LYRM4: variants seen among roughly 807,000 people sequenced by gnomAD.
LYRM4 encodes the protein LYR motif containing 4.
A neutral mutation model predicts 11.7 loss-of-function variants in LYRM4; 9 were observed. The ratio of observed to expected loss-of-function variants is 0.77; its 90% CI spans 0.46 to 1.34. The LOEUF (loss-of-function observed/expected upper bound fraction) is 1.34. Among genes scored for constraint, LYRM4 ranks in the 40% most tolerant of loss-of-function variants. The pLI, the probability that LYRM4 is intolerant of heterozygous loss-of-function variation, is 0.00. For missense variants in LYRM4, 133 were observed against 112.5 expected (o/e 1.18, Z -0.82); for synonymous variants, 42 against 40.4 (o/e 1.04, Z -0.15).
At chr6:5,209,557 T>C (rs1163281848) in intron 2 of LYRM4, among the ~76,000 whole-genome samples, 3 of 152,230 alleles carry the variant, frequency 2.0e-5, no homozygotes, top group Admixed American at 6.5e-5. Flanking sequence ...TTCTATTAAA[T>C]GAGCGAACAG....
chr6:5,223,418 A>T (rs1045018667), intron 1 of LYRM4, among the ~76,000 whole-genome samples: 3 of 152,218 alleles, frequency 2.0e-5, no homozygotes, highest in African/African-American at 7.2e-5. Flanking sequence ...CATGTCTCGT[A>T]AGTGGCAGAG....
chr6:5,205,901 T>C (rs866209844), intron 2 of LYRM4, among the ~76,000 whole-genome samples: 2 of 152,212 alleles, frequency 1.3e-5, no homozygotes, highest in African/African-American at 4.8e-5. Context: ...CCATGATCCA[T>C]GCAACACTCC....
chr6:5,216,251 T>C (rs1195804933), intron 2 of LYRM4, among the ~76,000 whole-genome samples: 1 of 152,218 alleles, frequency 6.6e-6, no homozygotes, highest in Non-Finnish European at 1.5e-5. Flanking sequence ...TCCTGAATTA[T>C]GATTAAAAAT....
intron 2 of LYRM4, among the ~76,000 whole-genome samples, chr6:5,157,149 A>ATATT (rs1236512298): frequency 6.6e-6 from 1 of 152,224 alleles, no homozygotes; most frequent in Non-Finnish European, 1.5e-5. Flanking sequence ...AATCATATGA[A>ATATT]TATTTGCTCC....
At chr6:5,040,281 C>A in the LYRM4 span, among the ~76,000 whole-genome samples, 3 of 151,540 alleles carry the variant, frequency 2.0e-5, no homozygotes, top group Non-Finnish European at 2.9e-5. Context: ...CAGTGCACCC[C>A]AGCCTGGGTA....
chr6:5,171,044 TTAG>T lies in LYRM4; in HGVS notation c.207+45571_207+45573del, dbSNP rs1427992719. Reference sequence around the variant, plus strand: ...AATAATAAAAGTAAGTTATAAATGATTAGTAGGATTCCATTTAAGGAAAACTAT... The same window carrying T: ...AATAATAAAAGTAAGTTATAAATGATTAGGATTCCATTTAAGGAAAACTAT... On this transcript the variant is annotated intron_variant, in intron 2 of 2. Coordinates refer to ENST00000330636, the MANE Select transcript of LYRM4 (RefSeq NM_020408.6). 3.9e-5 allele frequency among the ~76,000 whole-genome samples: 6 copies of T among 152,230 alleles called. No individual in the cohort carries two copies. In the East Asian group the frequency reaches 9.6e-4, roughly 24 times the overall value.
At chr6:5,245,152 ATATATATAT>A (rs1561899190) in intron 1 of LYRM4, among the ~76,000 whole-genome samples, 12 of 104,148 alleles carry the variant, frequency 1.2e-4, no homozygotes, top group African/African-American at 3.6e-4. Flanking sequence ...ATATATATAT[ATATATATAT>A]ATAAAATAGG....
chr6:5,094,793 T>A, the LYRM4 span, among the ~76,000 whole-genome samples: 1 of 152,318 alleles, frequency 6.6e-6, no homozygotes, highest in Non-Finnish European at 1.5e-5. Context: ...AGCCCTGATT[T>A]GAATACAGAA....
chr6:5,098,585 CA>C, the LYRM4 span, among the ~76,000 whole-genome samples: 1 of 152,226 alleles, frequency 6.6e-6, no homozygotes, highest in African/African-American at 2.4e-5. Context: ...CACCAGGAGA[CA>C]CGCACAAGAA....
the LYRM4 span, among the ~76,000 whole-genome samples, chr6:5,075,828 T>C: frequency 6.2e-4 from 95 of 152,280 alleles, no homozygotes; most frequent in Non-Finnish European, 1.1e-3. Flanking sequence ...TGGAAAGATA[T>C]TTGCACTAAA....
At chr6:5,084,527 G>A in the LYRM4 span, 109 of 152,038 alleles carry the variant, frequency 7.2e-4, no homozygotes, top group African/African-American at 2.6e-3. Context: ...ACTCGCGGGC[G>A]CGTCGGGCGG....
intron 1 of LYRM4, among the ~76,000 whole-genome samples, chr6:5,224,491 T>G (rs1372582737): frequency 6.6e-6 from 1 of 152,232 alleles, no homozygotes; most frequent in Non-Finnish European, 1.5e-5. Context: ...ATGTTCTTAA[T>G]ATTTTACCCA....
chr6:5,207,194 T>TA (rs1205538453), intron 2 of LYRM4, among the ~76,000 whole-genome samples: 17 of 152,310 alleles, frequency 1.1e-4, no homozygotes, highest in African/African-American at 3.8e-4. Context: ...TTTAGACTGA[T>TA]AGATGTATAA....
At chr6:5,141,490 G>A (rs1204459107) in intron 2 of LYRM4, among the ~76,000 whole-genome samples, 1 of 152,204 alleles carries the variant, frequency 6.6e-6, no homozygotes. Context: ...GATTTCTTCT[G>A]CCAACGCACA....
At chr6:5,199,606 G>A (rs1190719425) in intron 2 of LYRM4, among the ~76,000 whole-genome samples, 1 of 152,200 alleles carries the variant, frequency 6.6e-6, no homozygotes, top group Non-Finnish European at 1.5e-5. Context: ...CTACCAGACT[G>A]AAACTGTCAC....
chr6:5,191,989 A>G (rs1304768571), intron 2 of LYRM4, among the ~76,000 whole-genome samples: 1 of 152,156 alleles, frequency 6.6e-6, no homozygotes, highest in Non-Finnish European at 1.5e-5. Context: ...TCAATACATC[A>G]ATGTCATAAA....
chr6:5,257,706 C>T (rs967249216), intron 1 of LYRM4, among the ~76,000 whole-genome samples: 5 of 152,176 alleles, frequency 3.3e-5, no homozygotes. Context: ...AGGTTGCATG[C>T]TCCTTATGAG....
At chr6:5,085,439 C>T in the LYRM4 span, 1 of 1,409,134 alleles carries the variant, frequency 7.1e-7, no homozygotes, top group Non-Finnish European at 9.6e-7. Context: ...GTTAAGTCTC[C>T]AGAGGGGCCC....
At chr6:5,116,404 T>C (rs1213882704) in intron 2 of LYRM4, among the ~76,000 whole-genome samples, 1 of 152,134 alleles carries the variant, frequency 6.6e-6, no homozygotes, top group Non-Finnish European at 1.5e-5. Flanking sequence ...AAAAGTTATC[T>C]CAGTGAGGGG....
Sources: gnomAD v4.1 joint callset for allele counts (sites outside exome capture counted in the v4.1 genomes callset) on GRCh38, gnomAD v4.1.1 for gene constraint, MANE v1.5 for transcripts, NCBI Gene and HGNC (gene_info 2026-07-23, HGNC 2026-07-21) for gene names.